Variants in UBE2B observed in about 807,000 individuals in gnomAD.
UBE2B encodes the protein ubiquitin conjugating enzyme E2 B.
A neutral mutation model predicts 24.6 loss-of-function variants in UBE2B; 11 were observed. The ratio of observed to expected loss-of-function variants is 0.45; its 90% CI spans 0.28 to 0.74. The LOEUF (loss-of-function observed/expected upper bound fraction) is 0.74, where lower values mean the gene tolerates loss of function less well. UBE2B is among the 30% of genes least tolerant of loss of function. The probability of loss-of-function intolerance (pLI) is 0.13; values close to 1 mark genes in which losing one functional copy is unlikely to be tolerated. For missense variants in UBE2B, 78 were observed against 185.6 expected, an observed-to-expected ratio of 0.42 and a Z score of 3.37; for synonymous variants, 68 against 62.4, an observed-to-expected ratio of 1.09 and a Z score of -0.42.
At chr5:134,383,912 C>T (rs1048402760) in intron 4 of UBE2B, among the ~76,000 whole-genome samples, 1 of 151,920 alleles carries the variant, frequency 6.6e-6, no homozygotes, top group South Asian at 2.1e-4. Context: ...ATGTCATTTT[C>T]CATTTTTTTC....
In UBE2B at chr5:134,390,109, A is replaced by T; in HGVS notation, c.331-116A>T. The T allele has an allele frequency of 7.9e-7, 1 of 1,258,018 alleles. No individual in the cohort carries two copies. Among genetic ancestry groups the T allele is most frequent in the Non-Finnish European group, 1.1e-6 (1 of 884,260 alleles). The allele number at this position is 1,258,018 out of a possible 1,614,324, so 77.9% of individuals were successfully genotyped here. Reference sequence around the variant, plus strand: ...TAGACCCAAAATTATATGACATGTTAATCTCTGAAGTAATTTGTTGTTTTG... The same window carrying T: ...TAGACCCAAAATTATATGACATGTTTATCTCTGAAGTAATTTGTTGTTTTG... On this transcript the variant is annotated intron_variant, in intron 5 of 5. Transcript: ENST00000265339. The surrounding 1 kb of genome is among the most constrained non-coding windows in gnomAD (Gnocchi z 4.6).
intron 3 of UBE2B, among the ~76,000 whole-genome samples, chr5:134,377,555 T>C (rs944814285): frequency 6.6e-6 from 1 of 152,196 alleles, no homozygotes; most frequent in African/African-American, 2.4e-5. Context: ...CAAATACATA[T>C]ATGCATGTGT....
At chr5:134,383,473 C>CTATTTTTTTTT (rs1554114519) in intron 4 of UBE2B, among the ~76,000 whole-genome samples, 3 of 80,032 alleles carry the variant, frequency 3.7e-5, no homozygotes, top group Admixed American at 2.8e-4. Flanking sequence ...CCATACCCAG[C>CTATTTTTTTTT]TTTTTTTTTT....
intron 3 of UBE2B, among the ~76,000 whole-genome samples, chr5:134,378,128 C>T (rs1396193017): frequency 1.3e-5 from 2 of 152,128 alleles, no homozygotes; most frequent in East Asian, 3.9e-4. Flanking sequence ...CCTGGTGGAG[C>T]CACTGAGCTC....
intron 3 of UBE2B, among the ~76,000 whole-genome samples, chr5:134,379,274 C>G (rs573346430): frequency 6.6e-6 from 1 of 152,182 alleles, no homozygotes; most frequent in East Asian, 1.9e-4. Context: ...TGCAGCAAAC[C>G]TTTAAAAGAA....
intron 2 of UBE2B, 99 bp from the exon 3 acceptor site, chr5:134,376,570 G>C: frequency 7.8e-7 from 1 of 1,274,122 alleles, no homozygotes. Flanking sequence ...ATCAGAATGA[G>C]TCCCTCTTTT....
At chr5:134,385,089 T>C (rs1026412394) in intron 4 of UBE2B, among the ~76,000 whole-genome samples, 2 of 152,270 alleles carry the variant, frequency 1.3e-5, no homozygotes, top group Non-Finnish European at 2.9e-5. Context: ...ATTTTGTTCA[T>C]TAGTTGATAA....
intron 4 of UBE2B, among the ~76,000 whole-genome samples, chr5:134,387,019 G>T (rs540525199): frequency 1.5e-4 from 23 of 150,916 alleles, no homozygotes; most frequent in Admixed American, 3.3e-4. Flanking sequence ...GAGTGCAGTG[G>T]CGTGATCTGA....
intron 4 of UBE2B, among the ~76,000 whole-genome samples, chr5:134,387,000 C>T (rs1052897065): frequency 6.6e-6 from 1 of 151,230 alleles, no homozygotes; most frequent in South Asian, 2.1e-4. Flanking sequence ...CGCTCTGTCG[C>T]CCAGGCTGGA....
chr5:134,379,445 A>G (rs907584538), intron 3 of UBE2B, among the ~76,000 whole-genome samples: 2 of 152,128 alleles, frequency 1.3e-5, no homozygotes, highest in African/African-American at 4.8e-5. Flanking sequence ...CAGGAGTTCA[A>G]GACCAGCCTG....
chr5:134,390,459 A>G lies in UBE2B; in HGVS notation c.*106A>G, dbSNP rs947940123. 72 of 1,392,990 alleles carry G rather than the reference A, an allele frequency of 5.2e-5. No individual in the cohort carries two copies. Among genetic ancestry groups the G allele is most frequent in the Non-Finnish European group, 6.4e-5 (65 of 1,013,604 alleles). 86.3% of individuals were successfully genotyped at this position (1,392,990 alleles called of 1,614,324 possible). ...GCCACAGGTTTTAAGGATTCTGCAG[A>G]AAAAAAAGAAAAAAGTCCTTCAGTT... is the stretch of plus-strand genomic sequence containing the variant. On this transcript the variant is annotated 3_prime_UTR_variant, in exon 6 of 6. Transcript: ENST00000265339. The surrounding 1 kb of genome is among the most constrained non-coding windows in gnomAD (Gnocchi z 4.6).
rs369451577 is a variant in UBE2B at position 134,371,576 on chromosome 5, C to T, written c.-20C>T. Reference sequence around the variant, plus strand: ...CGGGACTTTTTTTTTTTCAGACTGACCGCGGGGCAGCTGCGGAGCATGTCG... The same window carrying T: ...CGGGACTTTTTTTTTTTCAGACTGATCGCGGGGCAGCTGCGGAGCATGTCG... On this transcript the variant is annotated 5_prime_UTR_variant, in exon 1 of 6. Coordinates refer to ENST00000265339, the MANE Select transcript of UBE2B (RefSeq NM_003337.4). 83 of 1,611,824 alleles carry T rather than the reference C, an allele frequency of 5.1e-5. No individual in the cohort carries two copies. The highest frequency in any genetic ancestry group is 5.0e-4 in the Middle Eastern group (3 of 5,950).
At position 134,391,974 on chromosome 5, in the gene UBE2B, A is replaced by G. The variant is rs932718014; in HGVS notation, c.*1621A>G. 3 of 152,202 alleles carry G rather than the reference A, an allele frequency of 2.0e-5. No homozygotes were observed. Among genetic ancestry groups the G allele is most frequent in the Admixed American group, 6.6e-5 (1 of 15,264 alleles). 9.4% of individuals were successfully genotyped at this position (152,202 alleles called of 1,614,324 possible). On this transcript the variant is annotated 3_prime_UTR_variant, in exon 6 of 6. Coordinates refer to ENST00000265339, the MANE Select transcript of UBE2B (RefSeq NM_003337.4). ...GAGCAATACCCTGTCTTTAAAAATAAAAGCTATTACTTGGCAAATTCTGAG... is the reference window on the plus strand; with the variant it reads ...GAGCAATACCCTGTCTTTAAAAATAGAAGCTATTACTTGGCAAATTCTGAG...
At chr5:134,386,737 A>G (rs1758809010) in intron 4 of UBE2B, among the ~76,000 whole-genome samples, 1 of 152,154 alleles carries the variant, frequency 6.6e-6, no homozygotes, top group African/African-American at 2.4e-5. Context: ...TTTTGACTAC[A>G]TATACTTTAA....
In UBE2B at chr5:134,391,050, C is replaced by T. The variant is rs1758889822; in HGVS notation, c.*697C>T. The T allele has an allele frequency of 6.5e-6, 1 of 152,806 alleles. No homozygotes were observed. The highest frequency in any genetic ancestry group is 2.4e-5 in the African/African-American group (1 of 41,466). 9.5% of individuals were successfully genotyped at this position (152,806 alleles called of 1,614,324 possible). A position where few individuals can be genotyped will look rare whatever the true frequency, so the allele number is the denominator to read the frequency against. On this transcript the variant is annotated 3_prime_UTR_variant, in exon 6 of 6. Coordinates refer to ENST00000265339, the MANE Select transcript of UBE2B (RefSeq NM_003337.4). Reference sequence around the variant, plus strand: ...TTTGTTACAGTTTCTTCATGCATTACTTACTGTTAAAACTGTACCTTTTGC... The same window carrying T: ...TTTGTTACAGTTTCTTCATGCATTATTTACTGTTAAAACTGTACCTTTTGC...
At chr5:134,376,292 A>G (rs1758601309) in intron 2 of UBE2B, among the ~76,000 whole-genome samples, 1 of 127,618 alleles carries the variant, frequency 7.8e-6, no homozygotes, top group Non-Finnish European at 1.6e-5. Context: ...ATTGCACTCC[A>G]GCCTGGGGGA....
At chr5:134,389,298 C>A (rs1164165865) in intron 5 of UBE2B, among the ~76,000 whole-genome samples, 1 of 152,100 alleles carries the variant, frequency 6.6e-6, no homozygotes, top group Non-Finnish European at 1.5e-5. Context: ...ATCTCATTCT[C>A]TTCCTGCTAA....
At chr5:134,387,493 G>T (rs2149693820) in intron 4 of UBE2B, among the ~76,000 whole-genome samples, 1 of 152,266 alleles carries the variant, frequency 6.6e-6, no homozygotes, top group Non-Finnish European at 1.5e-5. Context: ...TTCATTTTCT[G>T]CTACAACAGA....
intron 2 of UBE2B, 36 bp downstream of exon 2, chr5:134,374,499 C>A: frequency 6.5e-7 from 1 of 1,544,068 alleles, no homozygotes; most frequent in South Asian, 1.2e-5. Context: ...TAGGTGTGTG[C>A]TGAATCTTTA....
Sources: allele counts gnomAD v4.1 joint callset (sites outside exome capture counted in the v4.1 genomes callset), GRCh38; gene constraint gnomAD v4.1.1; non-coding constraint Gnocchi (gnomAD v3.1); transcripts MANE v1.5; gene names NCBI Gene and HGNC (gene_info 2026-07-23, HGNC 2026-07-21).